ZHX1: variants seen among roughly 807,000 people sequenced by gnomAD.
ZHX1 encodes zinc fingers and homeoboxes 1, also known as zinc fingers and homeoboxes protein 1.
In ZHX1, 20 loss-of-function variants were observed where a neutral mutation model predicts 61.8. The ratio of observed to expected loss-of-function variants is 0.32; its 90% confidence interval spans 0.23 to 0.47. ZHX1 has a LOEUF of 0.47. ZHX1 is among the 20% of genes least tolerant of loss of function. The pLI is 1.00. For synonymous variants in ZHX1, 318 were observed against 352.6 expected (o/e 0.90, Z 1.10); for missense variants, 800 against 1,034.8 (o/e 0.77, Z 3.11).
At chr8:123,267,134 TA>T (rs1004593177) in intron 2 of ZHX1, 138 bp downstream of exon 2, 100 of 610,112 alleles carry the variant, frequency 1.6e-4, no homozygotes, top group Non-Finnish European at 2.0e-4. Context: ...GAAAGTATAT[TA>T]AAAAAAAGTG....
At chr8:123,268,513 G>A (rs1053701756) in intron 1 of ZHX1, among the ~76,000 whole-genome samples, 1 of 151,120 alleles carries the variant, frequency 6.6e-6, no homozygotes, top group African/African-American at 2.4e-5. Flanking sequence ...TTTTTTTTGA[G>A]ATGGAGTCTC....
chr8:123,250,780 CTTA>C (rs1488039599), intron 3 of ZHX1, among the ~76,000 whole-genome samples: 1 of 152,136 alleles, frequency 6.6e-6, no homozygotes, highest in Non-Finnish European at 1.5e-5. Context: ...GGTGAATCCT[CTTA>C]TAAGTGAAAA....
At chr8:123,256,893 T>C (rs1388183410) in intron 2 of ZHX1, 1 of 152,072 alleles carries the variant, frequency 6.6e-6, no homozygotes, top group Non-Finnish European at 1.5e-5. Flanking sequence ...GGAGGATGAA[T>C]GATCAAAGTT....
At chr8:123,273,495 G>A (rs1467663924) in intron 1 of ZHX1, among the ~76,000 whole-genome samples, 1 of 152,004 alleles carries the variant, frequency 6.6e-6, no homozygotes, top group Non-Finnish European at 1.5e-5. Context: ...TAAATCCCAG[G>A]GCTTCGTCAC....
intron 1 of ZHX1, among the ~76,000 whole-genome samples, chr8:123,272,285 C>A (rs1826681563): frequency 6.6e-6 from 1 of 152,114 alleles, no homozygotes; most frequent in Non-Finnish European, 1.5e-5. Context: ...AAAAAAGATT[C>A]ATTGATAACT....
chr8:123,270,945 C>A (rs1038367470), intron 1 of ZHX1, among the ~76,000 whole-genome samples: 2 of 152,026 alleles, frequency 1.3e-5, no homozygotes, highest in South Asian at 4.1e-4. Context: ...GTATAAAATG[C>A]CAAGATTAAG....
chr8:123,254,178 C>T lies in ZHX1; in HGVS notation c.1769G>A (p.Ser590Asn). 1.2e-6 allele frequency: 2 copies of T among 1,614,128 alleles called. No homozygotes were observed. Among genetic ancestry groups the T allele is most frequent in the Non-Finnish European group, 1.7e-6 (2 of 1,180,016 alleles). The change falls in exon 3 of 4, where the codon AGC becomes AAC. Residue 590 changes from serine to asparagine, a missense_variant. Transcript: ENST00000395571. The surrounding 1 kb of genome is among the most constrained non-coding windows in gnomAD (Gnocchi z 4.1). ...TAATTCTTCATCTGTAAGTACAGAG[C>T]TGTTGAGAAAACTTGCCTGAAGGAC... Reference protein sequence around the residue: ...LRVLQASFLNSSVLTDEELNR... With the variant: ...LRVLQASFLNNSVLTDEELNR...
At chr8:123,270,735 A>T (rs1034288004) in intron 1 of ZHX1, among the ~76,000 whole-genome samples, 2 of 150,728 alleles carry the variant, frequency 1.3e-5, no homozygotes, top group Admixed American at 1.3e-4. Flanking sequence ...GCAGTGAGCC[A>T]TGATCATGCC....
At chr8:123,260,691 T>C (rs576737978) in intron 2 of ZHX1, among the ~76,000 whole-genome samples, 3 of 152,138 alleles carry the variant, frequency 2.0e-5, no homozygotes, top group Non-Finnish European at 2.9e-5. Flanking sequence ...CCTCCTCTCA[T>C]TGAGCCATTG....
intron 2 of ZHX1, among the ~76,000 whole-genome samples, chr8:123,259,750 G>C (rs1351180456): frequency 6.6e-6 from 1 of 151,878 alleles, no homozygotes; most frequent in Non-Finnish European, 1.5e-5. Flanking sequence ...AAGGCAAGAG[G>C]GTTTCTTTCT....
At chr8:123,267,422 AT>A in intron 1 of ZHX1, 36 bp from the exon 2 acceptor site, 1 of 602,290 alleles carries the variant, frequency 1.7e-6, no homozygotes, top group Non-Finnish European at 2.5e-6. Flanking sequence ...TCTAGATATA[AT>A]TTAGCCTTAG....
chr8:123,262,081 G>A (rs1205140085), intron 2 of ZHX1, among the ~76,000 whole-genome samples: 1 of 152,140 alleles, frequency 6.6e-6, no homozygotes, highest in Non-Finnish European at 1.5e-5. Context: ...AAAGAGGTTA[G>A]AGGTCAGTTG....
In ZHX1 at chr8:123,255,181, C is replaced by T. The variant is rs1203934017; in HGVS notation, c.766G>A (p.Val256Ile). ...ATCACCTGTGCCAATCCAGGAAGAA[C>T]TGCTGCTGGTGTCACTACCGTGCTG... The part of the protein sequence containing the change: ...TASTVVTPAA[V>I]LPGLAQVITA... Residue 256 changes from valine (V) to isoleucine (I), a missense_variant, in exon 3 of 4, where the codon GTT becomes ATT. Physicochemically the swap from Val to Ile is conservative, Grantham distance 29. Coordinates refer to ENST00000395571, the MANE Select transcript of ZHX1 (RefSeq NM_007222.5). 3 of 1,614,054 alleles carry T rather than the reference C, an allele frequency of 1.9e-6. No individual in the cohort carries two copies. The highest frequency in any genetic ancestry group is 1.7e-5 in the Admixed American group (1 of 60,010).
chr8:123,269,628 T>C (rs547144791), intron 1 of ZHX1, among the ~76,000 whole-genome samples: 2 of 152,186 alleles, frequency 1.3e-5, no homozygotes, highest in Non-Finnish European at 2.9e-5. Context: ...TGTGTGACTT[T>C]AGAAAAATGG....
chr8:123,263,434 ATTCAAG>A (rs140266289), intron 2 of ZHX1, among the ~76,000 whole-genome samples: 2,648 of 152,292 alleles, frequency 0.017, 61 homozygotes, highest in African/African-American at 0.06. Flanking sequence ...GAGAGTTCTT[ATTCAAG>A]TTCTTCTTTT....
At chr8:123,269,033 T>C (rs1192644436) in intron 1 of ZHX1, among the ~76,000 whole-genome samples, 2 of 152,194 alleles carry the variant, frequency 1.3e-5, no homozygotes, top group East Asian at 3.9e-4. Flanking sequence ...AGCATTTTCC[T>C]GGTAGGCCCA....
chr8:123,275,022 G>T (rs1299359475), upstream of ZHX1, among the ~76,000 whole-genome samples: 1 of 152,190 alleles, frequency 6.6e-6, no homozygotes, highest in Non-Finnish European at 1.5e-5. Context: ...TCCTCCGCGG[G>T]CCGCAGCTCC....
intron 3 of ZHX1, among the ~76,000 whole-genome samples, chr8:123,251,870 C>T (rs1563807646): frequency 6.6e-6 from 1 of 152,234 alleles, no homozygotes; most frequent in East Asian, 1.9e-4. Context: ...TTTTTAGTTT[C>T]ATCTGTTATC....
At chr8:123,266,161 T>C (rs1311168149) in intron 2 of ZHX1, among the ~76,000 whole-genome samples, 3 of 152,226 alleles carry the variant, frequency 2.0e-5, no homozygotes, top group Non-Finnish European at 4.4e-5. Context: ...TCTCTTATCT[T>C]GTGAAGAGTT....
Sources: allele counts gnomAD v4.1 joint callset (sites outside exome capture counted in the v4.1 genomes callset), GRCh38; gene constraint gnomAD v4.1.1; non-coding constraint Gnocchi (gnomAD v3.1); transcripts MANE v1.5; gene names NCBI Gene and HGNC (gene_info 2026-07-23, HGNC 2026-07-21).